BMP2K: variants seen among roughly 807,000 people sequenced by gnomAD.
BMP2K encodes the protein BMP2 inducible kinase, also known as BMP-2-inducible protein kinase.
Under a neutral mutation model 116.0 loss-of-function variants are expected in BMP2K, and 74 were observed. That is an observed-to-expected ratio of 0.64 (90% confidence interval 0.53 to 0.77). BMP2K has a LOEUF of 0.77. Ranked by LOEUF, BMP2K falls within the 30% of genes least tolerant of loss-of-function variation. BMP2K has a pLI of 0.00. For synonymous variants in BMP2K, 486 were observed against 502.5 expected (o/e 0.97, Z 0.44); for missense variants, 1,365 against 1,403.6 (o/e 0.97, Z 0.44).
intron 1 of BMP2K, among the ~76,000 whole-genome samples, chr4:78,818,453 A>G (rs192933629): frequency 3.3e-5 from 5 of 152,312 alleles, no homozygotes; most frequent in South Asian, 2.1e-4. Context: ...AATGATCGCC[A>G]TTCTGACTGG....
intron 14 of BMP2K, among the ~76,000 whole-genome samples, chr4:78,883,799 A>G (rs1217344911): frequency 6.6e-6 from 1 of 152,108 alleles, no homozygotes; most frequent in African/African-American, 2.4e-5. Context: ...GTGGTGGTTC[A>G]TGCCTGTAAT....
intron 15 of BMP2K, among the ~76,000 whole-genome samples, chr4:78,890,408 A>ATG (rs1733369984): frequency 1.3e-5 from 2 of 150,692 alleles, no homozygotes; most frequent in African/African-American, 5.0e-5. Flanking sequence ...TCATGCGCAC[A>ATG]CACACACACA....
chr4:78,860,770 CTTTTTTT>C (rs139384663), intron 8 of BMP2K, among the ~76,000 whole-genome samples: 10 of 101,918 alleles, frequency 9.8e-5, no homozygotes, highest in African/African-American at 1.6e-4. Context: ...GGTACCTTTC[CTTTTTTT>C]TTTTTTTTTT....
chr4:78,826,440 T>C (rs1309129558), intron 2 of BMP2K, among the ~76,000 whole-genome samples: 1 of 152,156 alleles, frequency 6.6e-6, no homozygotes, highest in African/African-American at 2.4e-5. Context: ...TGACCTCAAG[T>C]GATCTGCTTG....
In BMP2K at chr4:78,911,313, C is replaced by T; in HGVS notation, c.2766C>T (p.Ile922=). 6.2e-7 allele frequency: 1 copy of T among 1,613,934 alleles called. No homozygotes were observed. The highest frequency in any genetic ancestry group is 8.5e-7 in the Non-Finnish European group (1 of 1,179,868). Residue 922 remains isoleucine (I), a synonymous_variant, in exon 16 of 16, where the codon ATC becomes ATT. Coordinates refer to ENST00000502613, the MANE Select transcript of BMP2K (RefSeq NM_198892.2). Reference sequence around the variant, plus strand: ...CAGTGGGGCCTGAGGCACATACTATCCCTGGTTATCCCAAAAGTGTAGATG... The same window carrying T: ...CAGTGGGGCCTGAGGCACATACTATTCCTGGTTATCCCAAAAGTGTAGATG... ...CHAVGPEAHT[I]PGYPKSVDVF...
intron 1 of BMP2K, among the ~76,000 whole-genome samples, chr4:78,816,178 C>A (rs549716195): frequency 3.9e-5 from 6 of 152,144 alleles, no homozygotes; most frequent in Admixed American, 6.6e-5. Context: ...TGAAGTTAAA[C>A]CTTAAGGTTT....
rs1046583311 is a variant in BMP2K at position 78,827,242 on chromosome 4, C to CT, written c.297+1098dup. On this transcript the variant is annotated intron_variant, in intron 2 of 15. Transcript: ENST00000502613. The stretch of plus-strand genomic sequence containing the variant: ...TCCATACACTGTCTTATCTTTCTTT[C>CT]TTTTTTTTTTTATGGCACTCTGAGC... Among the ~76,000 whole-genome samples, 491 of 146,012 alleles carry CT rather than the reference C, an allele frequency of 3.4e-3. 6 individuals carry two copies. The highest frequency in any genetic ancestry group is 0.021 in the Admixed American group (307 of 14,568).
chr4:78,784,065 A>G (rs1727626510), intron 1 of BMP2K, among the ~76,000 whole-genome samples: 1 of 152,056 alleles, frequency 6.6e-6, no homozygotes, highest in Non-Finnish European at 1.5e-5. Flanking sequence ...ATGTTAGAGA[A>G]TGTACTAGAA....
At chr4:78,796,195 G>T (rs1728261240) in intron 1 of BMP2K, among the ~76,000 whole-genome samples, 1 of 152,060 alleles carries the variant, frequency 6.6e-6, no homozygotes, top group Non-Finnish European at 1.5e-5. Context: ...TATACACCAT[G>T]GAATACTATG....
chr4:78,877,114 G>A (rs1732670497), intron 13 of BMP2K, among the ~76,000 whole-genome samples: 2 of 152,102 alleles, frequency 1.3e-5, no homozygotes, highest in Non-Finnish European at 1.5e-5. Flanking sequence ...GTTTTTCTGG[G>A]TGGGTCAATG....
chr4:78,857,334 C>T (rs1731552644), intron 7 of BMP2K, among the ~76,000 whole-genome samples: 1 of 151,988 alleles, frequency 6.6e-6, no homozygotes, highest in Admixed American at 6.6e-5. Context: ...ATTGGAGGTC[C>T]TTGTGTTTGC....
rs745958736 is a variant in BMP2K, at chr4:78,911,186, T to TC, written c.2642dup (p.Gln882SerfsTer15). ...CAGCAAGAAAAGAATGAAAAGAACC[T>TC]CCCTCAACACAGGTTTCCTGCTGCA... On this transcript the variant is annotated frameshift_variant, in exon 16 of 16. Coordinates refer to ENST00000502613, the MANE Select transcript of BMP2K (RefSeq NM_198892.2). LOFTEE classifies it high-confidence loss of function. 1.2e-6 allele frequency: 2 copies of TC among 1,613,680 alleles called. No individual in the cohort carries two copies. The highest frequency in any genetic ancestry group is 1.7e-6 in the Non-Finnish European group (2 of 1,179,782).
At chr4:78,851,910 G>T (rs1368463489) in intron 7 of BMP2K, among the ~76,000 whole-genome samples, 2 of 151,992 alleles carry the variant, frequency 1.3e-5, no homozygotes, top group African/African-American at 4.8e-5. Context: ...ACCATTAAAA[G>T]TTCCCCCAGA....
At chr4:78,815,165 C>T (rs192997262) in intron 1 of BMP2K, among the ~76,000 whole-genome samples, 59 of 152,162 alleles carry the variant, frequency 3.9e-4, no homozygotes, top group African/African-American at 1.3e-3. Context: ...TATGGTCAGT[C>T]GAAACTATAC....
At chr4:78,887,685 C>T (rs185637178) in intron 15 of BMP2K, among the ~76,000 whole-genome samples, 68 of 152,224 alleles carry the variant, frequency 4.5e-4, no homozygotes, top group African/African-American at 1.4e-3. Flanking sequence ...CTTTGTTTTA[C>T]TCTTGTCTTC....
chr4:78,816,763 CTT>C (rs34009045), intron 1 of BMP2K, among the ~76,000 whole-genome samples: 2,880 of 152,238 alleles, frequency 0.019, 82 homozygotes, highest in African/African-American at 0.062. Context: ...AAAATTCCCT[CTT>C]ATGGGAAATC....
rs79707089 is a variant in BMP2K, at chr4:78,813,462, C to T, written c.179-12575C>T. The stretch of plus-strand genomic sequence containing the variant: ...TTGGAGCAAAAGCCAGTGACATTAC[C>T]CTCATCCGTAATAAGACTTTGCATG... On this transcript the variant is annotated intron_variant, in intron 1 of 15. Coordinates refer to ENST00000502613, the MANE Select transcript of BMP2K (RefSeq NM_198892.2). Among the ~76,000 whole-genome samples the T allele has an allele frequency of 7.9e-3, 1,203 of 152,268 alleles. 13 individuals carry two copies. The highest frequency in any genetic ancestry group is 0.027 in the African/African-American group (1,119 of 41,554).
At chr4:78,847,542 G>A (rs1731067274) in intron 6 of BMP2K, among the ~76,000 whole-genome samples, 1 of 151,584 alleles carries the variant, frequency 6.6e-6, no homozygotes, top group Non-Finnish European at 1.5e-5. Flanking sequence ...GATTATATAT[G>A]AGTGTTAACA....
intron 1 of BMP2K, among the ~76,000 whole-genome samples, chr4:78,817,506 C>G (rs1466882341): frequency 6.6e-6 from 1 of 152,138 alleles, no homozygotes; most frequent in South Asian, 2.1e-4. Flanking sequence ...GTACATAGCA[C>G]AAGGAGGTCT....
Sources: gnomAD v4.1 joint callset for allele counts (sites outside exome capture counted in the v4.1 genomes callset) on GRCh38, gnomAD v4.1.1 for gene constraint, MANE v1.5 for transcripts, NCBI Gene and HGNC (gene_info 2026-07-23, HGNC 2026-07-21) for gene names.